Variants in DTD1 observed in about 807,000 individuals in gnomAD.
DTD1 encodes the protein D-tyrosyl-tRNA deacylase 1 homolog.
In DTD1, 13 loss-of-function variants were observed where a neutral mutation model predicts 25.6. The ratio of observed to expected loss-of-function variants is 0.51; its 90% CI spans 0.33 to 0.81. DTD1 has a LOEUF of 0.81. Ranked by LOEUF, DTD1 falls within the 30% of genes least tolerant of loss-of-function variation. The probability of loss-of-function intolerance (pLI) is 0.02; values close to 1 mark genes in which losing one functional copy is unlikely to be tolerated. For missense variants in DTD1, 193 were observed against 266.4 expected (o/e 0.72, Z 1.92); for synonymous variants, 110 against 103.6 (o/e 1.06, Z -0.37).
intron 4 of DTD1, among the ~76,000 whole-genome samples, chr20:18,724,142 T>C (rs184575779): frequency 2.4e-4 from 36 of 152,354 alleles, no homozygotes; most frequent in Admixed American, 2.4e-3. Context: ...TCATGTACTT[T>C]GTCTCAGCCA....
chr20:18,720,487 C>T (rs1303859785), intron 4 of DTD1, among the ~76,000 whole-genome samples: 3 of 152,088 alleles, frequency 2.0e-5, no homozygotes, highest in Admixed American at 2.0e-4. Flanking sequence ...AACCTTTTTC[C>T]TTCAAATGCA....
At chr20:18,594,506 C>T (rs2060602367) in intron 2 of DTD1, among the ~76,000 whole-genome samples, 1 of 152,140 alleles carries the variant, frequency 6.6e-6, no homozygotes, top group African/African-American at 2.4e-5. Flanking sequence ...CCATTCATTC[C>T]AGACATAAAA....
chr20:18,612,698 G>A (rs532144753), intron 3 of DTD1, among the ~76,000 whole-genome samples: 8 of 151,382 alleles, frequency 5.3e-5, no homozygotes, highest in African/African-American at 1.9e-4. Context: ...TCACTCTGTC[G>A]CCCAGGCTGG....
chr20:18,599,010 C>T (rs940459021), intron 3 of DTD1, among the ~76,000 whole-genome samples: 1 of 152,042 alleles, frequency 6.6e-6, no homozygotes, highest in African/African-American at 2.4e-5. Context: ...TTTAACGTTT[C>T]TCTTTTCATG....
intron 3 of DTD1, among the ~76,000 whole-genome samples, chr20:18,597,506 A>G (rs966455019): frequency 2.6e-5 from 4 of 152,184 alleles, no homozygotes; most frequent in African/African-American, 9.7e-5. Flanking sequence ...TGTACTCATC[A>G]ACAGTACTAG....
chr20:18,735,139 C>T (rs935330674), intron 4 of DTD1, among the ~76,000 whole-genome samples: 3 of 152,232 alleles, frequency 2.0e-5, no homozygotes, highest in Non-Finnish European at 4.4e-5. Flanking sequence ...TTTCCGTCTA[C>T]ATTATGATCT....
chr20:18,652,561 C>T (rs2060878292), intron 4 of DTD1, among the ~76,000 whole-genome samples: 1 of 152,190 alleles, frequency 6.6e-6, no homozygotes, highest in East Asian at 1.9e-4. Flanking sequence ...GGGTAACACT[C>T]CTAGCTCCAC....
intron 3 of DTD1, among the ~76,000 whole-genome samples, chr20:18,612,287 G>A (rs2060690500): frequency 6.6e-6 from 1 of 152,030 alleles, no homozygotes; most frequent in Non-Finnish European, 1.5e-5. Flanking sequence ...GCCCGCCTCG[G>A]CCTCCCAAAG....
intron 4 of DTD1, among the ~76,000 whole-genome samples, chr20:18,644,060 A>G (rs908133149): frequency 4.6e-5 from 7 of 151,938 alleles, no homozygotes; most frequent in African/African-American, 1.7e-4. Flanking sequence ...TTGTGTAGCT[A>G]TTTTCCTTTT....
At chr20:18,752,022 A>G (rs2061323240) in intron 5 of DTD1, among the ~76,000 whole-genome samples, 1 of 151,844 alleles carries the variant, frequency 6.6e-6, no homozygotes, top group Non-Finnish European at 1.5e-5. Context: ...CCTTGTTTGC[A>G]GTTTCTTATG....
At chr20:18,702,941 C>T (rs1355971167) in intron 4 of DTD1, among the ~76,000 whole-genome samples, 1 of 152,162 alleles carries the variant, frequency 6.6e-6, no homozygotes, top group Non-Finnish European at 1.5e-5. Context: ...GGGCTGCTGC[C>T]ATCCAGCAGG....
intron 3 of DTD1, among the ~76,000 whole-genome samples, chr20:18,611,723 CTTCG>C (rs1319982900): frequency 6.6e-6 from 1 of 152,150 alleles, no homozygotes. Context: ...GGCCGGCTCT[CTTCG>C]TTCCTGTTGT....
intron 4 of DTD1, among the ~76,000 whole-genome samples, chr20:18,652,498 C>T (rs1389771726): frequency 6.6e-6 from 1 of 152,210 alleles, no homozygotes; most frequent in Non-Finnish European, 1.5e-5. Flanking sequence ...TAGACCAAGG[C>T]AGGTGCAGCC....
intron 4 of DTD1, among the ~76,000 whole-genome samples, chr20:18,696,504 G>T (rs2061077573): frequency 6.6e-6 from 1 of 152,162 alleles, no homozygotes; most frequent in African/African-American, 2.4e-5. Context: ...CACTGAGTCA[G>T]CAGAGTCTAG....
At chr20:18,627,602 T>C (rs1367211654) in intron 3 of DTD1, among the ~76,000 whole-genome samples, 1 of 152,150 alleles carries the variant, frequency 6.6e-6, no homozygotes, top group Non-Finnish European at 1.5e-5. Flanking sequence ...CTGGCTAACT[T>C]TTCCTGTGTT....
At chr20:18,676,724 G>A (rs1032651011) in intron 4 of DTD1, among the ~76,000 whole-genome samples, 2 of 152,108 alleles carry the variant, frequency 1.3e-5, no homozygotes, top group African/African-American at 4.8e-5. Flanking sequence ...CTTCACCGAC[G>A]GCTGCTGCTT....
chr20:18,654,684 G>C (rs1439777222), intron 4 of DTD1, among the ~76,000 whole-genome samples: 2 of 152,116 alleles, frequency 1.3e-5, no homozygotes, highest in Non-Finnish European at 2.9e-5. Flanking sequence ...CTCCAGGCCA[G>C]AGCTCTGGGA....
At chr20:18,760,589 T>C (rs1251133187) in intron 5 of DTD1, among the ~76,000 whole-genome samples, 1 of 152,168 alleles carries the variant, frequency 6.6e-6, no homozygotes, top group African/African-American at 2.4e-5. Context: ...TGATCGTTCC[T>C]CTGGAAGTTT....
At position 18,683,777 on chromosome 20, in the gene DTD1, G is replaced by A. The variant is rs527920994; in HGVS notation, c.477+55544G>A. 7.2e-5 allele frequency among the ~76,000 whole-genome samples: 11 copies of A among 152,290 alleles called. No homozygotes were observed. The East Asian group carries it at 7.7e-4, about 11-fold the overall frequency. The stretch of plus-strand genomic sequence containing the variant: ...AGCAGTATTCCCAGAGGTGGGATAC[G>A]CATGCTCCAGAATTCGAGCAAGCTG... On this transcript the variant is annotated intron_variant, in intron 4 of 5. Transcript: ENST00000377452.
Sources: gnomAD v4.1 joint callset for allele counts (sites outside exome capture counted in the v4.1 genomes callset) on GRCh38, gnomAD v4.1.1 for gene constraint, MANE v1.5 for transcripts, NCBI Gene and HGNC (gene_info 2026-07-23, HGNC 2026-07-21) for gene names.